The following RBMS3 variants were observed in gnomAD, a reference collection of about 807,000 sequenced individuals.
RBMS3 encodes RNA binding motif single stranded interacting protein 3.
In RBMS3, 27 loss-of-function variants were observed where a neutral mutation model predicts 66.8. The ratio of observed to expected loss-of-function variants is 0.40; its 90% CI spans 0.30 to 0.56. RBMS3 has a LOEUF of 0.56. Ranked by LOEUF, RBMS3 falls within the 20% of genes least tolerant of loss-of-function variation. The probability of loss-of-function intolerance (pLI) is 0.40; values close to 1 mark genes in which losing one functional copy is unlikely to be tolerated. For synonymous variants in RBMS3, 188 were observed against 183.0 expected (o/e 1.03, Z -0.22); for missense variants, 513 against 549.5 (o/e 0.93, Z 0.66).
intron 12 of RBMS3, among the ~76,000 whole-genome samples, chr3:29,987,698 C>CA (rs1214340897): frequency 6.6e-6 from 1 of 151,714 alleles, no homozygotes; most frequent in Non-Finnish European, 1.5e-5. Flanking sequence ...TTTTTAAATT[C>CA]AAAAAATAAA....
chr3:29,297,961 G>GT (rs796870831), intron 1 of RBMS3, among the ~76,000 whole-genome samples: 93 of 151,910 alleles, frequency 6.1e-4, no homozygotes, highest in African/African-American at 2.2e-3. Flanking sequence ...TTTTGTTTTA[G>GT]TTTTTTTCAG....
At chr3:29,897,619 A>G (rs1351919584) in intron 9 of RBMS3, 144 bp downstream of exon 9, 11 of 704,618 alleles carry the variant, frequency 1.6e-5, no homozygotes, top group East Asian at 1.0e-4. Context: ...TCAAGTTATG[A>G]GTTAGCCTAT....
chr3:29,960,052 A>G (rs996081952), intron 12 of RBMS3, among the ~76,000 whole-genome samples: 28 of 152,134 alleles, frequency 1.8e-4, no homozygotes, highest in Admixed American at 1.4e-3. Context: ...AGCTCATTCC[A>G]GCGTTAACCC....
At chr3:29,950,080 CTG>C (rs1193179051) in intron 12 of RBMS3, among the ~76,000 whole-genome samples, 1 of 151,842 alleles carries the variant, frequency 6.6e-6, no homozygotes, top group African/African-American at 2.4e-5. Flanking sequence ...TCCCTGAGTA[CTG>C]TGTGCTGCTT....
chr3:29,553,094 C>G (rs1465661761), intron 3 of RBMS3, among the ~76,000 whole-genome samples: 1 of 152,164 alleles, frequency 6.6e-6, no homozygotes, highest in African/African-American at 2.4e-5. Flanking sequence ...AATTGCTTGG[C>G]TCTTTCTGTG....
In RBMS3 at chr3:29,617,598, T is replaced by C. The variant is rs116227511; in HGVS notation, c.399+30393T>C. On this transcript the variant is annotated intron_variant, in intron 4 of 14. Coordinates refer to ENST00000383767, the MANE Select transcript of RBMS3 (RefSeq NM_001003793.3). Reference sequence around the variant, plus strand: ...GCCTAATCTAGTCTTTGCTTTGCCATATAGGAACCTATATACACTTACAGA... The same window carrying C: ...GCCTAATCTAGTCTTTGCTTTGCCACATAGGAACCTATATACACTTACAGA... Among the ~76,000 whole-genome samples the C allele has an allele frequency of 3.7e-3, 560 of 152,286 alleles. 4 individuals are homozygous for C. Among genetic ancestry groups the C allele is most frequent in the African/African-American group, 0.013 (526 of 41,542 alleles).
chr3:29,662,383 T>C (rs2050586813), intron 4 of RBMS3, among the ~76,000 whole-genome samples: 1 of 152,194 alleles, frequency 6.6e-6, no homozygotes, highest in African/African-American at 2.4e-5. Context: ...TAAATAAATG[T>C]TTAATATTTT....
intron 6 of RBMS3, among the ~76,000 whole-genome samples, chr3:29,769,759 T>A (rs2056115967): frequency 6.6e-6 from 1 of 151,902 alleles, no homozygotes. Context: ...TAAATGACAA[T>A]CATACATATA....
chr3:29,967,196 G>A (rs1487183876), intron 12 of RBMS3, among the ~76,000 whole-genome samples: 1 of 152,148 alleles, frequency 6.6e-6, no homozygotes, highest in Non-Finnish European at 1.5e-5. Context: ...AGCGGGTGAT[G>A]CTGTCTTCAT....
intron 1 of RBMS3, among the ~76,000 whole-genome samples, chr3:29,402,701 A>G (rs2039862669): frequency 6.6e-6 from 1 of 152,030 alleles, no homozygotes; most frequent in Non-Finnish European, 1.5e-5. Flanking sequence ...CTTGACTCCA[A>G]AATGTAGCAT....
Position 29,394,619 on chromosome 3 carries a change from A to G in RBMS3, c.76-40124A>G, listed in dbSNP as rs185042738. 6.0e-4 allele frequency among the ~76,000 whole-genome samples: 92 copies of G among 152,300 alleles called. 1 individual carries two copies. Among genetic ancestry groups the G allele is most frequent in the Non-Finnish European group, 1.1e-3 (75 of 68,014 alleles). On this transcript the variant is annotated intron_variant, in intron 1 of 14. Transcript: ENST00000383767. ...TATAAAAGTATTAATTTGGGGAACT[A>G]ATAAACGTCCATGAAATCTTCACAA...
intron 5 of RBMS3, among the ~76,000 whole-genome samples, chr3:29,756,357 C>A (rs552478836): frequency 6.6e-6 from 1 of 152,162 alleles, no homozygotes; most frequent in Non-Finnish European, 1.5e-5. Context: ...GAAGAAATAC[C>A]TGAGACTGAG....
chr3:29,669,972 A>G (rs2050926641), intron 4 of RBMS3, among the ~76,000 whole-genome samples: 1 of 152,130 alleles, frequency 6.6e-6, no homozygotes, highest in Non-Finnish European at 1.5e-5. Context: ...GGTCTTATAT[A>G]AGGGCTTTCA....
intron 4 of RBMS3, among the ~76,000 whole-genome samples, chr3:29,668,041 A>T (rs1462349640): frequency 6.6e-6 from 1 of 152,154 alleles, no homozygotes; most frequent in East Asian, 1.9e-4. Flanking sequence ...CTTTCATGTC[A>T]TTCTCATTGT....
intron 1 of RBMS3, among the ~76,000 whole-genome samples, chr3:29,301,680 C>T (rs776296805): frequency 1.3e-5 from 2 of 151,992 alleles, no homozygotes; most frequent in Non-Finnish European, 2.9e-5. Context: ...TTTGAATGAC[C>T]GACTGACTGT....
intron 9 of RBMS3, among the ~76,000 whole-genome samples, chr3:29,898,064 C>A (rs577133428): frequency 9.8e-4 from 149 of 151,656 alleles, no homozygotes; most frequent in Non-Finnish European, 1.9e-3. Flanking sequence ...AAGTCTGAGA[C>A]TCAATGTGTG....
chr3:29,872,780 A>AG (rs2059523835), intron 7 of RBMS3, among the ~76,000 whole-genome samples: 1 of 152,140 alleles, frequency 6.6e-6, no homozygotes, highest in African/African-American at 2.4e-5. Flanking sequence ...ACATGATGTA[A>AG]GGGAGGGGTC....
intron 4 of RBMS3, among the ~76,000 whole-genome samples, chr3:29,714,554 C>T (rs1389140533): frequency 6.6e-6 from 1 of 152,124 alleles, no homozygotes; most frequent in African/African-American, 2.4e-5. Context: ...GACTTGGTAA[C>T]ATAACCTTGT....
chr3:29,767,712 C>CA (rs1226781861), intron 6 of RBMS3, among the ~76,000 whole-genome samples: 2 of 151,848 alleles, frequency 1.3e-5, no homozygotes, highest in African/African-American at 2.4e-5. Context: ...ATGATGAACA[C>CA]AAATGTTTGT....
Sources: gnomAD v4.1 joint callset for allele counts (sites outside exome capture counted in the v4.1 genomes callset) on GRCh38, gnomAD v4.1.1 for gene constraint, MANE v1.5 for transcripts, NCBI Gene and HGNC (gene_info 2026-07-23, HGNC 2026-07-21) for gene names.